Variants in RALYL observed in about 807,000 individuals in gnomAD.
RALYL encodes the protein RALY RNA binding protein like.
A neutral mutation model predicts 35.1 loss-of-function variants in RALYL; 29 were observed. The ratio of observed to expected loss-of-function variants is 0.83; its 90% CI spans 0.61 to 1.13. The LOEUF is 1.13. Ranked by LOEUF, RALYL falls within the 50% of genes most tolerant of loss-of-function variation. The probability of loss-of-function intolerance (pLI) is 0.00; values close to 1 mark genes in which losing one functional copy is unlikely to be tolerated. For synonymous variants in RALYL, 120 were observed against 127.6 expected, an observed-to-expected ratio of 0.94 and a Z score of 0.40; for missense variants, 359 against 360.4, an observed-to-expected ratio of 1.00 and a Z score of 0.03.
At chr8:84,199,795 G>T (rs958220803) in intron 1 of RALYL, among the ~76,000 whole-genome samples, 1 of 152,118 alleles carries the variant, frequency 6.6e-6, no homozygotes, top group African/African-American at 2.4e-5. Flanking sequence ...TGTCGAAAAT[G>T]CGTTCACTCT....
chr8:84,632,772 T>G (rs1824204020), intron 2 of RALYL, among the ~76,000 whole-genome samples: 1 of 151,936 alleles, frequency 6.6e-6, no homozygotes, highest in South Asian at 2.1e-4. Context: ...CCAAACAACA[T>G]TATTTTGAAT....
chr8:84,531,679 T>C (rs1249030841), intron 2 of RALYL, among the ~76,000 whole-genome samples: 1 of 152,108 alleles, frequency 6.6e-6, no homozygotes, highest in African/African-American at 2.4e-5. Context: ...TAACAAATAC[T>C]TGAGGAAATG....
chr8:84,481,628 A>G (rs191874942), intron 1 of RALYL, among the ~76,000 whole-genome samples: 59 of 152,322 alleles, frequency 3.9e-4, no homozygotes, highest in Admixed American at 6.5e-4. Context: ...TATTCATACA[A>G]CAGCATACTC....
chr8:84,314,036 G>T (rs943902102), intron 1 of RALYL, among the ~76,000 whole-genome samples: 7 of 152,164 alleles, frequency 4.6e-5, no homozygotes, highest in Admixed American at 1.3e-4. Context: ...GCATGGCTGG[G>T]GGAGGGCTCA....
chr8:84,199,222 C>T (rs41351250), intron 1 of RALYL, among the ~76,000 whole-genome samples: 2 of 152,012 alleles, frequency 1.3e-5, no homozygotes, highest in Non-Finnish European at 2.9e-5. Flanking sequence ...ATTGTCTTTT[C>T]GATGTGCATT....
At chr8:84,266,744 A>C (rs1299146124) in intron 1 of RALYL, among the ~76,000 whole-genome samples, 1 of 152,090 alleles carries the variant, frequency 6.6e-6, no homozygotes, top group Non-Finnish European at 1.5e-5. Context: ...GCGGATCACG[A>C]GGTCAGGAGA....
chr8:84,454,689 T>C (rs1251954960), intron 1 of RALYL, among the ~76,000 whole-genome samples: 2 of 152,038 alleles, frequency 1.3e-5, no homozygotes, highest in Admixed American at 1.3e-4. Context: ...ATACATCTAC[T>C]CTTTCAGGAA....
chr8:84,512,363 G>A (rs3109782), intron 1 of RALYL, among the ~76,000 whole-genome samples: 8,254 of 151,872 alleles, frequency 0.054, 284 homozygotes, highest in East Asian at 0.14. Flanking sequence ...TTTGATAAAT[G>A]TCTATTCAGA....
intron 2 of RALYL, among the ~76,000 whole-genome samples, chr8:84,613,860 TTATA>T (rs34184283): frequency 4.2e-5 from 6 of 142,086 alleles, no homozygotes; most frequent in African/African-American, 7.8e-5. Flanking sequence ...TTCTTCAGAT[TTATA>T]TATATATATA....
intron 7 of RALYL, among the ~76,000 whole-genome samples, chr8:84,882,881 TA>T: frequency 6.6e-6 from 1 of 151,958 alleles, no homozygotes; most frequent in East Asian, 1.9e-4. Flanking sequence ...TAATTATTCA[TA>T]AAAAAAGAAC....
chr8:84,214,886 TA>T (rs1183370300), intron 1 of RALYL, among the ~76,000 whole-genome samples: 3 of 151,806 alleles, frequency 2.0e-5, no homozygotes, highest in Non-Finnish European at 1.5e-5. Context: ...AATTAACTTT[TA>T]TTTTTTTTTT....
intron 7 of RALYL, among the ~76,000 whole-genome samples, chr8:84,881,502 A>G (rs1233858320): frequency 1.3e-5 from 2 of 152,002 alleles, no homozygotes; most frequent in Non-Finnish European, 2.9e-5. Flanking sequence ...TTTCATAGTT[A>G]TATTAATGAT....
chr8:84,209,118 C>A (rs1348796768), intron 1 of RALYL, among the ~76,000 whole-genome samples: 1 of 141,138 alleles, frequency 7.1e-6, no homozygotes, highest in Admixed American at 7.1e-5. Flanking sequence ...ACATCCCACT[C>A]CTCCACCAAA....
intron 1 of RALYL, among the ~76,000 whole-genome samples, chr8:84,378,744 C>CT (rs939207478): frequency 2.7e-5 from 4 of 150,804 alleles, no homozygotes; most frequent in Admixed American, 1.3e-4. Flanking sequence ...AGACACTTCA[C>CT]TTTTTTTTTC....
At chr8:84,498,190 C>T (rs927575323) in intron 1 of RALYL, among the ~76,000 whole-genome samples, 4 of 151,822 alleles carry the variant, frequency 2.6e-5, no homozygotes, top group Non-Finnish European at 4.4e-5. Context: ...CCAGTAGCTA[C>T]AATAATACAC....
chr8:84,336,120 C>T lies in RALYL; in HGVS notation c.-24+151696C>T, dbSNP rs146030094. On this transcript the variant is annotated intron_variant, in intron 1 of 8. Coordinates refer to ENST00000521268, the MANE Select transcript of RALYL (RefSeq NM_173848.7). ...GGGATTGATTACAATCTCTATAGTACAGTGACTTCTCTACATGGATTACAG... is the reference window on the plus strand; with the variant it reads ...GGGATTGATTACAATCTCTATAGTATAGTGACTTCTCTACATGGATTACAG... 7.7e-3 allele frequency among the ~76,000 whole-genome samples: 1,170 copies of T among 152,228 alleles called. 19 individuals carry two copies. The highest frequency in any genetic ancestry group is 0.027 in the African/African-American group (1,125 of 41,542).
At chr8:84,735,829 A>AGAGAGG (rs1347684804) in intron 2 of RALYL, among the ~76,000 whole-genome samples, 1 of 151,632 alleles carries the variant, frequency 6.6e-6, no homozygotes, top group East Asian at 1.9e-4. Flanking sequence ...AGAGAGAGAG[A>AGAGAGG]GAGAGAGAGA....
intron 3 of RALYL, among the ~76,000 whole-genome samples, chr8:84,787,349 T>C (rs1196797732): frequency 1.3e-5 from 2 of 152,230 alleles, no homozygotes; most frequent in Non-Finnish European, 2.9e-5. Context: ...TCATCTTTTT[T>C]ATGGCTGCAT....
chr8:84,481,799 A>G (rs2054070837), intron 1 of RALYL, among the ~76,000 whole-genome samples: 3 of 152,090 alleles, frequency 2.0e-5, no homozygotes, highest in Non-Finnish European at 4.4e-5. Flanking sequence ...TAAAAAGATG[A>G]TTGTCTGAAG....
Sources: allele counts gnomAD v4.1 joint callset (sites outside exome capture counted in the v4.1 genomes callset), GRCh38; gene constraint gnomAD v4.1.1; transcripts MANE v1.5; gene names NCBI Gene and HGNC (gene_info 2026-07-23, HGNC 2026-07-21).